Variants in DFFA observed in about 807,000 individuals in gnomAD.
DFFA encodes DNA fragmentation factor subunit alpha.
DFFA carries 14 observed loss-of-function variants against 28.0 expected under a neutral mutation model. That is an observed-to-expected ratio of 0.50 (90% CI 0.33 to 0.78). DFFA has a LOEUF of 0.78. Among genes scored for constraint, DFFA ranks in the 30% least tolerant of loss-of-function variants. The pLI is 0.02. For missense variants in DFFA, 395 were observed against 407.1 expected, an observed-to-expected ratio of 0.97 and a Z score of 0.26; for synonymous variants, 158 against 170.3, an observed-to-expected ratio of 0.93 and a Z score of 0.56.
rs182146268 is a variant in DFFA at position 10,466,253 on chromosome 1, G to A, written c.441+937C>T. ...GGCTGGAGTGCAGTGGTGCGATCTC[G>A]GCTCACTGCAAGCTCCACCTCCTGG... On this transcript the variant is annotated intron_variant, in intron 3 of 5. Transcript: ENST00000377038. Among the ~76,000 whole-genome samples the A allele has an allele frequency of 4.9e-3, 742 of 152,014 alleles. 4 individuals carry two copies. Among genetic ancestry groups the A allele is most frequent in the Admixed American group, 0.03 (450 of 15,244 alleles).
intron 3 of DFFA, among the ~76,000 whole-genome samples, 198 bp from the exon 4 acceptor site, chr1:10,463,818 C>A (rs1365942956): frequency 6.6e-6 from 1 of 151,824 alleles, no homozygotes; most frequent in African/African-American, 2.4e-5. Context: ...GCATGTGCTA[C>A]CAAGCCCAGC....
chr1:10,469,118 G>A, intron 2 of DFFA, 59 bp downstream of exon 2: 1 of 1,523,596 alleles, frequency 6.6e-7, no homozygotes, highest in Non-Finnish European at 9.0e-7. Flanking sequence ...TGCAGTGAAA[G>A]TAATCATGAT....
intron 3 of DFFA, among the ~76,000 whole-genome samples, chr1:10,464,785 G>A (rs933305429): frequency 6.6e-6 from 1 of 152,152 alleles, no homozygotes; most frequent in Non-Finnish European, 1.5e-5. Context: ...CCGTGTTCCA[G>A]TCTAGAGTAG....
intron 2 of DFFA, among the ~76,000 whole-genome samples, chr1:10,467,891 C>G (rs1347980275): frequency 6.6e-6 from 1 of 152,186 alleles, no homozygotes; most frequent in Non-Finnish European, 1.5e-5. Flanking sequence ...TGTGGTCACA[C>G]CTACAAGGAA....
chr1:10,461,631 AAC>A lies in DFFA; in HGVS notation c.853_854del (p.Val285SerfsTer5). Reference protein sequence around the residue: ...LNWDIKKTETVQEACERELAL... With the variant: ...LNWDIKKTETXQEACERELAL... ...CGAGCTCCCGCTCACAGGCCTCCTG[AAC>A]AGTCTCCGTCTTCTTTATGTCCCAG... On this transcript the variant is annotated frameshift_variant, in exon 6 of 6. Transcript: ENST00000377038. LOFTEE classifies it low-confidence loss of function (END_TRUNC). 6.2e-7 allele frequency: 1 copy of A among 1,614,236 alleles called. No homozygotes were observed. The highest frequency in any genetic ancestry group is 8.5e-7 in the Non-Finnish European group (1 of 1,180,038).
chr1:10,465,259 T>C (rs983943519), intron 3 of DFFA, among the ~76,000 whole-genome samples: 17 of 152,050 alleles, frequency 1.1e-4, no homozygotes, highest in African/African-American at 3.9e-4. Context: ...CACGCCCAGC[T>C]AATTTTTGTA....
intron 5 of DFFA, chr1:10,462,558 T>A (rs1186028713): frequency 1.0e-6 from 1 of 991,002 alleles, no homozygotes; most frequent in Non-Finnish European, 1.2e-6. Context: ...CCTTCCCTTC[T>A]ATCTACAATA....
In DFFA at chr1:10,463,379, G is replaced by A. The variant is rs368016685; in HGVS notation, c.631+52C>T. The stretch of plus-strand genomic sequence containing the variant: ...CACAAATAGTGTCCTCCCAAGGGAC[G>A]CCTCCATCAGCCCTGAATTCTCAGA... On this transcript the variant is annotated intron_variant, in intron 4 of 5. Transcript: ENST00000377038. The A allele has an allele frequency of 7.6e-5, 119 of 1,565,474 alleles. No individual in the cohort carries two copies. The African/African-American group carries it at 1.3e-3, about 17-fold the overall frequency.
intron 5 of DFFA, chr1:10,462,653 C>G (rs1275823586): frequency 9.8e-7 from 1 of 1,019,634 alleles, no homozygotes; most frequent in Non-Finnish European, 1.2e-6. Flanking sequence ...TTTTTAGCTC[C>G]CTGGTCTTAG....
rs971367502 is a variant in DFFA at position 10,458,275 on chromosome 1, T to A, written c.*3215A>T. ...TTCCTTTTTGCCCTGAAACAGTACA[T>A]CTGGGGCATTATATTAATGCTTCTG... On this transcript the variant is annotated 3_prime_UTR_variant, in exon 6 of 6. Transcript: ENST00000377038. The A allele has an allele frequency of 6.6e-6, 1 of 152,178 alleles. No homozygotes were observed. The highest frequency in any genetic ancestry group is 2.4e-5 in the African/African-American group (1 of 41,432). 9.4% of individuals were successfully genotyped at this position (152,178 alleles called of 1,614,324 possible). A position where few individuals can be genotyped will look rare whatever the true frequency, so the allele number is the denominator to read the frequency against.
chr1:10,462,745 C>T, intron 5 of DFFA: 1 of 1,199,400 alleles, frequency 8.3e-7, no homozygotes, highest in South Asian at 2.3e-5. Context: ...CTTCTCTGAC[C>T]ATGGAAAGAC....
At position 10,461,445 on chromosome 1, in the gene DFFA, A is replaced by AT. The variant is rs1440629133; in HGVS notation, c.*44dup. On this transcript the variant is annotated 3_prime_UTR_variant, in exon 6 of 6. Coordinates refer to ENST00000377038, the MANE Select transcript of DFFA (RefSeq NM_004401.3). ...ATGATGAGGCTGAGGGTGTCTACCA[A>AT]TAACACAACGCCACAGAGCTTCCTT... is the stretch of plus-strand genomic sequence containing the variant. The AT allele has an allele frequency of 3.8e-6, 6 of 1,581,100 alleles. No individual in the cohort carries two copies. Among genetic ancestry groups the AT allele is most frequent in the Non-Finnish European group, 5.2e-6 (6 of 1,162,092 alleles).
rs773206068 is a variant in DFFA at position 10,469,175 on chromosome 1, A to G, written c.298+2T>C. ...GTTTTATACATGGCTAGAGTTTCTT[A>G]CCTGAATTGTTGTATGCCCATTTCT... On this transcript the variant is annotated splice_donor_variant, in intron 2 of 5. Transcript: ENST00000377038. LOFTEE classifies it high-confidence loss of function. The G allele has an allele frequency of 1.9e-6, 3 of 1,613,962 alleles. No individual in the cohort carries two copies. In the Admixed American group the frequency reaches 5.0e-5, roughly 27 times the overall value.
intron 3 of DFFA, among the ~76,000 whole-genome samples, chr1:10,465,689 CTTTA>C (rs1227656729): frequency 2.6e-5 from 4 of 152,094 alleles, no homozygotes; most frequent in South Asian, 2.1e-4. Flanking sequence ...CCACGCCTGG[CTTTA>C]TTTATTTATT....
In DFFA at chr1:10,457,292, C is replaced by T. The variant is rs192158235; in HGVS notation, c.*4198G>A. ...AGTATCTAGGATTACAGGCATGTACCACTACACCCGGCTAATTTTTATTTT... is the reference window on the plus strand; with the variant it reads ...AGTATCTAGGATTACAGGCATGTACTACTACACCCGGCTAATTTTTATTTT... On this transcript the variant is annotated 3_prime_UTR_variant, in exon 6 of 6. Coordinates refer to ENST00000377038, the MANE Select transcript of DFFA (RefSeq NM_004401.3). 1.6e-3 allele frequency: 249 copies of T among 152,326 alleles called. No homozygotes were observed. Among genetic ancestry groups the T allele is most frequent in the Middle Eastern group, 3.4e-3 (1 of 294 alleles). 9.4% of individuals were successfully genotyped at this position (152,326 alleles called of 1,614,324 possible). A position where few individuals can be genotyped will look rare whatever the true frequency, so the allele number is the denominator to read the frequency against.
rs368814680 is a variant in DFFA at position 10,461,904 on chromosome 1, G to T, written c.784-202C>A. On this transcript the variant is annotated intron_variant, in intron 5 of 5. Transcript: ENST00000377038. ...GAGTCTCGCTCTGTCACCCAGGCTGGAGTGCAGTGACACTATCTCGGCTCC... is the reference window on the plus strand; with the variant it reads ...GAGTCTCGCTCTGTCACCCAGGCTGTAGTGCAGTGACACTATCTCGGCTCC... 2.1e-5 allele frequency: 20 copies of T among 971,520 alleles called. No individual in the cohort carries two copies. In the East Asian group the frequency reaches 4.6e-4, roughly 22 times the overall value. The allele number at this position is 971,520 out of a possible 1,614,324, so 60.2% of individuals were successfully genotyped here.
Position 10,472,168 on chromosome 1 carries a change from T to C in DFFA, c.136+155A>G. The C allele has an allele frequency of 1.1e-6, 1 of 884,390 alleles. No individual in the cohort carries two copies. Among genetic ancestry groups the C allele is most frequent in the Non-Finnish European group, 1.6e-6 (1 of 619,084 alleles). 54.8% of individuals were successfully genotyped at this position (884,390 alleles called of 1,614,324 possible). On this transcript the variant is annotated intron_variant, in intron 1 of 5. Coordinates refer to ENST00000377038, the MANE Select transcript of DFFA (RefSeq NM_004401.3). This position sits in a 1 kb window ranked among gnomAD's most constrained non-coding sequence, Gnocchi z 5.0. ...ATTACGCTCAAGCGCCTTAAATCTG[T>C]AAATCGCTATGCCCACTCGGACCGT...
Position 10,472,257 on chromosome 1 carries a change from G to GC in DFFA, c.136+65dup. The GC allele has an allele frequency of 6.9e-7, 1 of 1,456,146 alleles. No individual in the cohort carries two copies. Among genetic ancestry groups the GC allele is most frequent in the South Asian group, 1.4e-5 (1 of 69,550 alleles). 90.2% of individuals were successfully genotyped at this position (1,456,146 alleles called of 1,614,324 possible). On this transcript the variant is annotated intron_variant, in intron 1 of 5. Coordinates refer to ENST00000377038, the MANE Select transcript of DFFA (RefSeq NM_004401.3). This position sits in a 1 kb window ranked among gnomAD's most constrained non-coding sequence, Gnocchi z 5.0. ...AAGTCGCCTCTCCTGACCCCGCCTC[G>GC]CCCCCGCCGGACGTCCTCACCCGGC...
Position 10,472,144 on chromosome 1 carries a change from T to C in DFFA, c.136+179A>G. On this transcript the variant is annotated intron_variant, in intron 1 of 5. Transcript: ENST00000377038. This position sits in a 1 kb window ranked among gnomAD's most constrained non-coding sequence, Gnocchi z 5.0. ...ACCGTGGAGTCTCACACGAGATTAA[T>C]TACGCTCAAGCGCCTTAAATCTGTA... 5 of 681,130 alleles carry C rather than the reference T, an allele frequency of 7.3e-6. No homozygotes were observed. The highest frequency in any genetic ancestry group is 1.1e-5 in the Non-Finnish European group (5 of 446,818). 42.2% of individuals were successfully genotyped at this position (681,130 alleles called of 1,614,324 possible). A position where few individuals can be genotyped will look rare whatever the true frequency, so the allele number is the denominator to read the frequency against.
Sources: gnomAD v4.1 joint callset for allele counts (sites outside exome capture counted in the v4.1 genomes callset) on GRCh38, gnomAD v4.1.1 for gene constraint, Gnocchi (gnomAD v3.1) non-coding constraint, MANE v1.5 for transcripts, NCBI Gene and HGNC (gene_info 2026-07-23, HGNC 2026-07-21) for gene names.